VWA3B: variants seen among roughly 807,000 people sequenced by gnomAD.
VWA3B encodes von Willebrand factor A domain containing 3B.
A neutral mutation model predicts 158.3 loss-of-function variants in VWA3B; 138 were observed. The ratio of observed to expected loss-of-function variants is 0.87; its 90% CI spans 0.76 to 1.00. The LOEUF is 1.00. VWA3B is among the 50% of genes least tolerant of loss of function. The probability of loss-of-function intolerance (pLI) is 0.00; values close to 1 mark genes in which losing one functional copy is unlikely to be tolerated. For missense variants in VWA3B, 1,555 were observed against 1,565.1 expected, an observed-to-expected ratio of 0.99 and a Z score of 0.11; for synonymous variants, 596 against 587.3, an observed-to-expected ratio of 1.01 and a Z score of -0.21.
intron 11 of VWA3B, among the ~76,000 whole-genome samples, chr2:98,193,617 A>G (rs925857882): frequency 6.8e-6 from 1 of 146,552 alleles, no homozygotes; most frequent in East Asian, 2.0e-4. Context: ...TTTTTTTGAG[A>G]TGGAGTCTCA....
chr2:98,216,982 A>AGCCC (rs1553417708), intron 13 of VWA3B: 23 of 1,237,230 alleles, frequency 1.9e-5, no homozygotes, highest in Middle Eastern at 3.4e-4. Flanking sequence ...CATTGTAAGC[A>AGCCC]CCCGCCCCGC....
chr2:98,194,579 G>T (rs1013419154), intron 12 of VWA3B, 87 bp downstream of exon 12: 6 of 1,508,514 alleles, frequency 4.0e-6, no homozygotes, highest in South Asian at 1.3e-5. Flanking sequence ...ATTCCTGAGA[G>T]GTGTTTTGCA....
intron 23 of VWA3B, among the ~76,000 whole-genome samples, chr2:98,295,903 A>G (rs1296780751): frequency 1.3e-5 from 2 of 152,222 alleles, no homozygotes; most frequent in Non-Finnish European, 2.9e-5. Context: ...GTGAGGCCAC[A>G]TGGGGGCCCT....
intron 7 of VWA3B, among the ~76,000 whole-genome samples, chr2:98,154,354 G>A (rs1677883792): frequency 6.6e-6 from 1 of 152,126 alleles, no homozygotes; most frequent in Admixed American, 6.5e-5. Context: ...TATGACTTAG[G>A]GGTTGTTCCT....
chr2:98,301,738 G>C (rs539866561), intron 25 of VWA3B, among the ~76,000 whole-genome samples: 1 of 152,244 alleles, frequency 6.6e-6, no homozygotes, highest in South Asian at 2.1e-4. Flanking sequence ...TTGACTAGGG[G>C]AGGTCTTCTC....
chr2:98,264,717 G>T (rs1295398684), intron 21 of VWA3B, among the ~76,000 whole-genome samples: 2 of 152,054 alleles, frequency 1.3e-5, no homozygotes, highest in Non-Finnish European at 2.9e-5. Flanking sequence ...CCACATGTTG[G>T]TTAGGCCCAG....
chr2:98,133,724 C>G (rs963775741), intron 6 of VWA3B, 100 bp from the exon 7 acceptor site: 52 of 917,294 alleles, frequency 5.7e-5, no homozygotes, highest in Non-Finnish European at 7.7e-5. Flanking sequence ...GATGAAGATG[C>G]CCAGTGCTGC....
chr2:98,117,588 G>A (rs1250462632), intron 3 of VWA3B, among the ~76,000 whole-genome samples: 2 of 152,134 alleles, frequency 1.3e-5, no homozygotes, highest in Admixed American at 6.5e-5. Context: ...CCCTGGTGGG[G>A]TGTTGGGGCT....
At chr2:98,187,793 C>T (rs1681228712) in intron 9 of VWA3B, among the ~76,000 whole-genome samples, 182 bp from the exon 10 acceptor site, 1 of 151,788 alleles carries the variant, frequency 6.6e-6, no homozygotes, top group Admixed American at 6.6e-5. Context: ...TTCATGACAT[C>T]TAGTGCAGGG....
chr2:98,208,235 T>C (rs1683183642), intron 12 of VWA3B, among the ~76,000 whole-genome samples: 1 of 152,144 alleles, frequency 6.6e-6, no homozygotes, highest in South Asian at 2.1e-4. Context: ...CTTTTACCTT[T>C]AACCTATCTA....
intron 2 of VWA3B, among the ~76,000 whole-genome samples, chr2:98,101,254 C>T (rs903998226): frequency 6.6e-6 from 1 of 152,094 alleles, no homozygotes; most frequent in Non-Finnish European, 1.5e-5. Flanking sequence ...TGCTGCCCAC[C>T]ACAGAAAGCA....
chr2:98,142,373 A>C (rs1189284883), intron 7 of VWA3B, among the ~76,000 whole-genome samples: 2 of 152,058 alleles, frequency 1.3e-5, no homozygotes, highest in Non-Finnish European at 2.9e-5. Flanking sequence ...TTCTCCCCCA[A>C]GCCAAAGGCA....
intron 19 of VWA3B, among the ~76,000 whole-genome samples, chr2:98,237,976 C>T (rs1176727276): frequency 6.6e-6 from 1 of 152,048 alleles, no homozygotes; most frequent in Non-Finnish European, 1.5e-5. Flanking sequence ...CTTCTTTCTG[C>T]TTTTTTGTGT....
intron 2 of VWA3B, among the ~76,000 whole-genome samples, chr2:98,102,348 G>T (rs145658262): frequency 1.6e-4 from 24 of 151,870 alleles, no homozygotes; most frequent in Admixed American, 5.2e-4. Flanking sequence ...CGACAAAACC[G>T]CCATCGTCAT....
chr2:98,122,969 C>T (rs1444065637), intron 5 of VWA3B, among the ~76,000 whole-genome samples: 2 of 152,176 alleles, frequency 1.3e-5, no homozygotes, highest in African/African-American at 2.4e-5. Flanking sequence ...ACCGCTGTGC[C>T]CCTCTGCCCA....
intron 12 of VWA3B, among the ~76,000 whole-genome samples, chr2:98,205,770 A>C (rs12622324): frequency 0.8 from 122,032 of 152,116 alleles, 49,250 homozygotes; most frequent in South Asian, 0.89. Context: ...TTTGTGATTT[A>C]ACTTTTGGGC....
At chr2:98,215,708 G>T (rs1683930029) in intron 13 of VWA3B, among the ~76,000 whole-genome samples, 1 of 151,824 alleles carries the variant, frequency 6.6e-6, no homozygotes, top group Non-Finnish European at 1.5e-5. Flanking sequence ...GGTAAAGACG[G>T]GGTTTCACCG....
intron 21 of VWA3B, 56 bp downstream of exon 21, chr2:98,256,230 A>G: frequency 6.4e-7 from 1 of 1,572,740 alleles, no homozygotes; most frequent in South Asian, 1.1e-5. Context: ...CACGTAACCT[A>G]AAATTAACCA....
At chr2:98,228,445 G>C in intron 15 of VWA3B, 113 bp downstream of exon 15, 1 of 1,301,008 alleles carries the variant, frequency 7.7e-7, no homozygotes, top group Non-Finnish European at 1.0e-6. Context: ...TTAGTGAAAA[G>C]AATCACGTAG....
Sources: allele counts gnomAD v4.1 joint callset (sites outside exome capture counted in the v4.1 genomes callset), GRCh38; gene constraint gnomAD v4.1.1; transcripts MANE v1.5; gene names NCBI Gene and HGNC (gene_info 2026-07-23, HGNC 2026-07-21).